The following SV2C variants were observed in gnomAD, a reference collection of about 807,000 sequenced individuals.
The protein encoded by SV2C is synaptic vesicle glycoprotein 2C.
In SV2C, 49 loss-of-function variants were observed where a neutral mutation model predicts 79.7. The observed-to-expected ratio is 0.61, with a 90% CI of 0.49 to 0.78. SV2C has a LOEUF of 0.78. SV2C is among the 30% of genes least tolerant of loss of function. SV2C has a pLI of 0.00. For synonymous variants in SV2C, 334 were observed against 333.2 expected, an observed-to-expected ratio of 1.00 and a Z score of -0.03; for missense variants, 833 against 912.9, an observed-to-expected ratio of 0.91 and a Z score of 1.13.
At chr5:75,995,525 TAGTC>T in the SV2C span, among the ~76,000 whole-genome samples, 8 of 152,074 alleles carry the variant, frequency 5.3e-5, no homozygotes, top group South Asian at 4.1e-4. Flanking sequence ...ATTAATACAA[TAGTC>T]AGTTAGAAAT....
chr5:75,990,804 T>TA, the SV2C span, among the ~76,000 whole-genome samples: 320 of 150,830 alleles, frequency 2.1e-3, 2 homozygotes, highest in East Asian at 3.3e-3. Context: ...TAAAGTATAA[T>TA]AAAAAAAAAG....
the SV2C span, among the ~76,000 whole-genome samples, chr5:75,986,247 T>TA: frequency 6.6e-6 from 1 of 151,590 alleles, no homozygotes; most frequent in East Asian, 2.0e-4. Context: ...GATGGGGAGA[T>TA]AAGCCTGGAT....
the SV2C span, among the ~76,000 whole-genome samples, chr5:75,988,574 A>G: frequency 6.6e-6 from 1 of 151,956 alleles, no homozygotes; most frequent in Non-Finnish European, 1.5e-5. Context: ...CAGTATAAGT[A>G]AAAGGCTGGA....
rs908510664 is a variant in SV2C, at chr5:76,113,795, C to T, written c.-101-17855C>T. On this transcript the variant is annotated intron_variant, in intron 1 of 12. Transcript: ENST00000502798. ...TTGTGAATTAGTTTAGCAACTCTCT[C>T]CCAATGACAATAAAGAGAAGGTTTT... Among the ~76,000 whole-genome samples, 4 of 152,136 alleles carry T rather than the reference C, an allele frequency of 2.6e-5. No homozygotes were observed. The South Asian group carries it at 8.3e-4, about 32-fold the overall frequency.
chr5:76,071,740 T>C, the SV2C span, among the ~76,000 whole-genome samples: 5 of 152,208 alleles, frequency 3.3e-5, no homozygotes, highest in African/African-American at 1.2e-4. Context: ...GAAATCAGCA[T>C]GTCTATTATT....
chr5:76,303,709 T>C (rs1455413151), intron 12 of SV2C, among the ~76,000 whole-genome samples: 4 of 152,152 alleles, frequency 2.6e-5, no homozygotes, highest in Non-Finnish European at 5.9e-5. Flanking sequence ...ACCTACGGTG[T>C]TTCTGTTGTC....
chr5:76,295,538 GT>G (rs901211648), intron 8 of SV2C, among the ~76,000 whole-genome samples: 2 of 152,180 alleles, frequency 1.3e-5, no homozygotes, highest in African/African-American at 4.8e-5. Context: ...CAAAGGAAGG[GT>G]TTAGGAATTA....
Position 76,225,614 on chromosome 5 carries a change from A to G in SV2C, c.913+15727A>G, listed in dbSNP as rs188775606. ...AAACAAAAAAAATTGCTCTTGTGTA[A>G]TCTAGTGGTAGCCGAAGAGATGAGC... is the stretch of plus-strand genomic sequence containing the variant. On this transcript the variant is annotated intron_variant, in intron 4 of 12. Transcript: ENST00000502798. Among the ~76,000 whole-genome samples, 6 of 152,136 alleles carry G rather than the reference A, an allele frequency of 3.9e-5. No homozygotes were observed. The East Asian group carries it at 1.2e-3, about 29-fold the overall frequency.
At chr5:76,098,946 G>A (rs1561214460) in intron 1 of SV2C, among the ~76,000 whole-genome samples, 1 of 152,142 alleles carries the variant, frequency 6.6e-6, no homozygotes, top group Non-Finnish European at 1.5e-5. Flanking sequence ...CCACTGATGG[G>A]GAGAATCTGA....
chr5:76,209,962 CT>C, intron 4 of SV2C, 75 bp downstream of exon 4: 1 of 1,483,438 alleles, frequency 6.7e-7, no homozygotes, highest in South Asian at 1.3e-5. Context: ...TTCTTCCTCT[CT>C]TCTAAGGGCC....
chr5:76,215,209 C>A (rs1345793178), intron 4 of SV2C, among the ~76,000 whole-genome samples: 2 of 152,018 alleles, frequency 1.3e-5, no homozygotes, highest in Non-Finnish European at 2.9e-5. Flanking sequence ...AATGTGCAGC[C>A]AGGTTTGAGA....
the SV2C span, among the ~76,000 whole-genome samples, chr5:76,048,995 GAA>G: frequency 6.8e-4 from 57 of 84,226 alleles, 1 homozygote; most frequent in East Asian, 0.014. Context: ...AAGAAAGAAA[GAA>G]AGAAAGAAAG....
chr5:76,158,425 TAA>T (rs1287260362), intron 2 of SV2C, among the ~76,000 whole-genome samples: 1 of 145,852 alleles, frequency 6.9e-6, no homozygotes, highest in Non-Finnish European at 1.5e-5. Flanking sequence ...AAATAGACGT[TAA>T]AAAAAAAAAG....
intron 12 of SV2C, among the ~76,000 whole-genome samples, chr5:76,341,507 TTC>T (rs1396761772): frequency 6.6e-6 from 1 of 152,180 alleles, no homozygotes; most frequent in African/African-American, 2.4e-5. Flanking sequence ...TAGTAAACAT[TTC>T]TCTGAGCTTT....
chr5:76,347,134 G>A (rs1305854117), intron 12 of SV2C, among the ~76,000 whole-genome samples: 13 of 150,800 alleles, frequency 8.6e-5, no homozygotes. Context: ...GGAGGCCTCA[G>A]CCAAATTGAC....
At chr5:76,016,489 A>G in the SV2C span, among the ~76,000 whole-genome samples, 2 of 152,072 alleles carry the variant, frequency 1.3e-5, no homozygotes, top group South Asian at 2.1e-4. Context: ...GAGCAAAAAC[A>G]TGTTTCCACT....
chr5:76,095,229 C>T (rs1176284218), intron 1 of SV2C, among the ~76,000 whole-genome samples: 1 of 152,046 alleles, frequency 6.6e-6, no homozygotes, highest in Non-Finnish European at 1.5e-5. Context: ...TTACTCCACC[C>T]TCATGAGGTC....
intron 4 of SV2C, among the ~76,000 whole-genome samples, chr5:76,220,357 A>G (rs911997366): frequency 6.6e-5 from 10 of 152,130 alleles, no homozygotes; most frequent in African/African-American, 2.4e-4. Context: ...TCCAGAATCC[A>G]TTTCTTCACT....
the SV2C span, among the ~76,000 whole-genome samples, chr5:76,047,222 G>GC: frequency 2.6e-5 from 4 of 152,084 alleles, no homozygotes; most frequent in Non-Finnish European, 4.4e-5. Context: ...AACCTTCCCA[G>GC]CCCCCCAGAA....
Sources: gnomAD v4.1 joint callset for allele counts (sites outside exome capture counted in the v4.1 genomes callset) on GRCh38, gnomAD v4.1.1 for gene constraint, MANE v1.5 for transcripts, NCBI Gene and HGNC (gene_info 2026-07-23, HGNC 2026-07-21) for gene names.